STX8: variants seen among roughly 807,000 people sequenced by gnomAD.
The protein encoded by STX8 is syntaxin 8, also known as syntaxin-8.
A neutral mutation model predicts 37.5 loss-of-function variants in STX8; 23 were observed. The ratio of observed to expected loss-of-function variants is 0.61; its 90% confidence interval spans 0.44 to 0.87. The LOEUF (loss-of-function observed/expected upper bound fraction) is 0.87, where lower values mean the gene tolerates loss of function less well. Ranked by LOEUF, STX8 falls within the 40% of genes least tolerant of loss-of-function variation. STX8 has a pLI of 0.00. For synonymous variants in STX8, 115 were observed against 99.1 expected (o/e 1.16, Z -0.95); for missense variants, 313 against 284.7 (o/e 1.10, Z -0.71).
chr17:9,497,023 C>T lies in STX8; in HGVS notation c.449-5102G>A, dbSNP rs374058464. ...AATTTATTAAAGCAGCAATAGAAAACTAATACAATCATTTTTTAAAAATCC... is the reference window on the plus strand; with the variant it reads ...AATTTATTAAAGCAGCAATAGAAAATTAATACAATCATTTTTTAAAAATCC... On this transcript the variant is annotated intron_variant, in intron 5 of 7. Transcript: ENST00000306357. 2.1e-4 allele frequency among the ~76,000 whole-genome samples: 32 copies of T among 152,262 alleles called. No individual in the cohort carries two copies. The South Asian group carries it at 4.6e-3, about 22-fold the overall frequency.
chr17:9,336,534 A>C (rs4632171), intron 7 of STX8, among the ~76,000 whole-genome samples: 125,596 of 151,776 alleles, frequency 0.83, 52,475 homozygotes, highest in East Asian at 0.93. Flanking sequence ...TTCCCAGGTT[A>C]AAGCAATTCT....
chr17:9,546,721 C>A (rs1401971428), intron 3 of STX8, among the ~76,000 whole-genome samples: 1 of 150,712 alleles, frequency 6.6e-6, no homozygotes, highest in Non-Finnish European at 1.5e-5. Context: ...CCTCAGCCTC[C>A]TGAGTAGCTG....
At chr17:9,388,205 G>A (rs1307843808) in intron 6 of STX8, among the ~76,000 whole-genome samples, 1 of 151,342 alleles carries the variant, frequency 6.6e-6, no homozygotes, top group Admixed American at 6.6e-5. Context: ...CTGAGTAGCT[G>A]GGATTACAGA....
At chr17:9,493,480 G>C (rs1220421301) in intron 5 of STX8, among the ~76,000 whole-genome samples, 1 of 152,078 alleles carries the variant, frequency 6.6e-6, no homozygotes, top group African/African-American at 2.4e-5. Context: ...CCCCCTCCTC[G>C]GGCAGGTTTA....
intron 7 of STX8, among the ~76,000 whole-genome samples, chr17:9,315,150 AAAAAAC>A (rs957213846): frequency 2.6e-5 from 4 of 151,844 alleles, no homozygotes; most frequent in Admixed American, 1.3e-4. Flanking sequence ...AAAAACAAGA[AAAAAAC>A]AAAAACAAAA....
chr17:9,267,389 C>G (rs1907266763), intron 7 of STX8, among the ~76,000 whole-genome samples: 1 of 152,226 alleles, frequency 6.6e-6, no homozygotes, highest in Non-Finnish European at 1.5e-5. Context: ...ACCAACGTGG[C>G]ATTCCTGATC....
At chr17:9,526,286 C>T (rs1314414159) in intron 4 of STX8, among the ~76,000 whole-genome samples, 1 of 149,308 alleles carries the variant, frequency 6.7e-6, no homozygotes, top group East Asian at 1.9e-4. Flanking sequence ...AATCAGTCTC[C>T]TCATTTGTAA....
intron 4 of STX8, among the ~76,000 whole-genome samples, chr17:9,528,927 G>A (rs1046462960): frequency 1.3e-5 from 2 of 151,876 alleles, no homozygotes; most frequent in Non-Finnish European, 2.9e-5. Flanking sequence ...AAAAGAAGGC[G>A]AAAGAGAGAG....
chr17:9,352,218 T>C (rs932274479), intron 7 of STX8, among the ~76,000 whole-genome samples: 6 of 151,620 alleles, frequency 4.0e-5, no homozygotes, highest in Non-Finnish European at 8.8e-5. Context: ...GTCATACTCC[T>C]GGTGATGCTA....
chr17:9,498,744 C>T (rs1301658038), intron 5 of STX8, among the ~76,000 whole-genome samples: 4 of 152,110 alleles, frequency 2.6e-5, no homozygotes, highest in Non-Finnish European at 4.4e-5. Flanking sequence ...CTAGAAAGAA[C>T]ATCTATAGAA....
intron 4 of STX8, among the ~76,000 whole-genome samples, chr17:9,536,989 A>AC (rs1294330596): frequency 6.6e-6 from 1 of 151,254 alleles, no homozygotes; most frequent in Non-Finnish European, 1.5e-5. Flanking sequence ...CTCGTGATCC[A>AC]CCCCCGCCCT....
chr17:9,468,102 T>C (rs1905694741), intron 6 of STX8, among the ~76,000 whole-genome samples: 1 of 152,076 alleles, frequency 6.6e-6, no homozygotes, highest in Non-Finnish European at 1.5e-5. Flanking sequence ...GCGAGGTTTG[T>C]TTTATTTTGT....
At chr17:9,325,172 T>C (rs902052082) in intron 7 of STX8, among the ~76,000 whole-genome samples, 20 of 152,182 alleles carry the variant, frequency 1.3e-4, no homozygotes, top group African/African-American at 3.4e-4. Context: ...TGATGTTCAA[T>C]AGATTAAGGG....
At chr17:9,268,063 C>T (rs550054738) in intron 7 of STX8, among the ~76,000 whole-genome samples, 2 of 151,606 alleles carry the variant, frequency 1.3e-5, no homozygotes, top group South Asian at 2.1e-4. Context: ...TTTGTTCTCA[C>T]GGAAGGGATA....
At position 9,491,857 on chromosome 17, in the gene STX8, T is replaced by C; in HGVS notation, c.513A>G (p.Glu171=). 6.2e-7 allele frequency: 1 copy of C among 1,614,042 alleles called. No individual in the cohort carries two copies. Among genetic ancestry groups the C allele is most frequent in the Non-Finnish European group, 8.5e-7 (1 of 1,179,984 alleles). ...TTTGTTCATCCAATTCATTCCCAAT[T>C]TCCTGCCCCATTTGTTTTTGGCGAC... The part of the protein sequence containing the change: ...IISRQKQMGQ[E]IGNELDEQNE... The change falls in exon 6 of 8, where the codon GAA becomes GAG. Residue 171 remains glutamate, a synonymous_variant. Transcript: ENST00000306357.
At chr17:9,309,737 G>A (rs1048760573) in intron 7 of STX8, among the ~76,000 whole-genome samples, 2 of 152,176 alleles carry the variant, frequency 1.3e-5, no homozygotes, top group African/African-American at 2.4e-5. Context: ...GGAAAGGGAA[G>A]GGGTCATGAG....
chr17:9,384,823 T>C (rs979426612), intron 6 of STX8, among the ~76,000 whole-genome samples: 8 of 151,008 alleles, frequency 5.3e-5, no homozygotes, highest in Non-Finnish European at 1.2e-4. Flanking sequence ...TGTGTGTACA[T>C]GCACACACGC....
At chr17:9,346,111 C>T (rs1246943364) in intron 7 of STX8, among the ~76,000 whole-genome samples, 1 of 152,070 alleles carries the variant, frequency 6.6e-6, no homozygotes, top group Non-Finnish European at 1.5e-5. Context: ...CTCAGCCTCC[C>T]AAAGTGCTGG....
At chr17:9,455,447 C>T (rs910158540) in intron 6 of STX8, among the ~76,000 whole-genome samples, 9 of 152,086 alleles carry the variant, frequency 5.9e-5, no homozygotes, top group African/African-American at 1.9e-4. Context: ...TTGCAGTGAG[C>T]CGAGATCACG....
Sources: allele counts gnomAD v4.1 joint callset (sites outside exome capture counted in the v4.1 genomes callset), GRCh38; gene constraint gnomAD v4.1.1; transcripts MANE v1.5; gene names NCBI Gene and HGNC (gene_info 2026-07-23, HGNC 2026-07-21).